FAR2: variants seen among roughly 807,000 people sequenced by gnomAD.
FAR2 encodes the protein fatty acyl-CoA reductase 2, also known as epididymis secretory protein Li 81.
In FAR2, 19 loss-of-function variants were observed where a neutral mutation model predicts 56.0. The ratio of observed to expected loss-of-function variants is 0.34; its 90% CI spans 0.24 to 0.50. The LOEUF is 0.50. Among genes scored for constraint, FAR2 ranks in the 20% least tolerant of loss-of-function variants. The pLI, the probability that FAR2 is intolerant of heterozygous loss-of-function variation, is 0.98. For missense variants in FAR2, 508 were observed against 642.2 expected (o/e 0.79, Z 2.26); for synonymous variants, 219 against 218.8 (o/e 1.00, Z -0.01).
chr12:29,278,994 T>C (rs1163796546), intron 2 of FAR2, among the ~76,000 whole-genome samples: 2 of 152,204 alleles, frequency 1.3e-5, no homozygotes, highest in African/African-American at 4.8e-5. Flanking sequence ...ATGTTTCATA[T>C]TAGTAAAAGC....
chr12:29,235,239 T>C (rs1331236612), intron 1 of FAR2, among the ~76,000 whole-genome samples: 1 of 152,142 alleles, frequency 6.6e-6, no homozygotes, highest in Non-Finnish European at 1.5e-5. Flanking sequence ...CAGATGTTCA[T>C]AGAAAAACTG....
At chr12:29,280,902 T>C (rs894173972) in intron 2 of FAR2, 2 of 152,240 alleles carry the variant, frequency 1.3e-5, no homozygotes, top group African/African-American at 4.8e-5. Context: ...GGAAAATGCA[T>C]AGCTGTGTGT....
chr12:29,159,989 G>T (rs984926192), intron 1 of FAR2, among the ~76,000 whole-genome samples: 3 of 152,168 alleles, frequency 2.0e-5, no homozygotes, highest in African/African-American at 7.2e-5. Context: ...CTGGAGGCAA[G>T]ATCAAAAACC....
chr12:29,305,603 G>A (rs1467617037), intron 4 of FAR2, among the ~76,000 whole-genome samples: 1 of 152,038 alleles, frequency 6.6e-6, no homozygotes, highest in Non-Finnish European at 1.5e-5. Flanking sequence ...TTTAGAATGA[G>A]TATAATTATT....
chr12:29,269,026 T>C (rs57967706), intron 1 of FAR2, among the ~76,000 whole-genome samples: 3,457 of 152,260 alleles, frequency 0.023, 118 homozygotes, highest in African/African-American at 0.078. Flanking sequence ...AAATTTCTAA[T>C]GAAGTTTCGG....
intron 2 of FAR2, among the ~76,000 whole-genome samples, chr12:29,278,057 G>A (rs1026182195): frequency 1.6e-4 from 24 of 148,112 alleles, no homozygotes; most frequent in African/African-American, 5.5e-4. Flanking sequence ...TCAACCTCCT[G>A]AGTTGCTGGG....
chr12:29,226,879 G>A (rs1201022624), intron 1 of FAR2, among the ~76,000 whole-genome samples: 1 of 152,056 alleles, frequency 6.6e-6, no homozygotes. Context: ...ATTCACCACT[G>A]AATTCTTTTA....
intron 2 of FAR2, among the ~76,000 whole-genome samples, chr12:29,288,830 T>G (rs1466787566): frequency 6.6e-6 from 1 of 152,162 alleles, no homozygotes; most frequent in Non-Finnish European, 1.5e-5. Flanking sequence ...TTAATTTTAA[T>G]TCAATAAGCA....
At chr12:29,318,840 C>T (rs1207669781) in intron 9 of FAR2, among the ~76,000 whole-genome samples, 1 of 151,904 alleles carries the variant, frequency 6.6e-6, no homozygotes, top group African/African-American at 2.4e-5. Context: ...GTGCCTGTGT[C>T]AGGAGAGGAT....
intron 2 of FAR2, among the ~76,000 whole-genome samples, chr12:29,279,645 A>G (rs958910374): frequency 6.6e-6 from 1 of 152,148 alleles, no homozygotes; most frequent in Non-Finnish European, 1.5e-5. Context: ...TAAAGATGCT[A>G]AAAGTCTAAA....
At chr12:29,332,988 T>C (rs145083611) in intron 11 of FAR2, 4 of 507,448 alleles carry the variant, frequency 7.9e-6, no homozygotes, top group South Asian at 1.7e-5. Context: ...CCCATGGTAA[T>C]TGCATAGTAA....
Position 29,177,167 on chromosome 12 carries a change from A to G in FAR2, c.-39+27760A>G, listed in dbSNP as rs575830679. 1.4e-4 allele frequency among the ~76,000 whole-genome samples: 21 copies of G among 152,350 alleles called. No homozygotes were observed. The East Asian group carries it at 3.5e-3, about 25-fold the overall frequency. On this transcript the variant is annotated intron_variant, in intron 1 of 11. Coordinates refer to ENST00000536681, the MANE Select transcript of FAR2 (RefSeq NM_001271783.2). ...ATGATGCAACAGGAAATGGAGCCAA[A>G]TCTTTTAGAGATGATATTTGAGTGC...
At chr12:29,251,182 G>C (rs769705925) in intron 1 of FAR2, among the ~76,000 whole-genome samples, 6 of 152,188 alleles carry the variant, frequency 3.9e-5, no homozygotes, top group Non-Finnish European at 7.3e-5. Context: ...AGTGTAGCTT[G>C]ACTCATCAAA....
intron 2 of FAR2, chr12:29,292,468 A>G (rs1948986149): frequency 6.6e-6 from 1 of 152,234 alleles, no homozygotes; most frequent in Non-Finnish European, 1.5e-5. Context: ...TTGTTGTACA[A>G]TTAACATTAA....
chr12:29,204,677 C>T (rs1265599450), intron 1 of FAR2, among the ~76,000 whole-genome samples: 2 of 152,026 alleles, frequency 1.3e-5, no homozygotes, highest in East Asian at 1.9e-4. Flanking sequence ...GTGCAGGAAG[C>T]ATATTGGCTT....
intron 1 of FAR2, among the ~76,000 whole-genome samples, chr12:29,211,330 T>C (rs1200399301): frequency 2.6e-5 from 4 of 152,130 alleles, no homozygotes; most frequent in African/African-American, 9.7e-5. Flanking sequence ...TTGTGGGTGT[T>C]CTTACATAAC....
intron 8 of FAR2, among the ~76,000 whole-genome samples, chr12:29,314,461 A>T (rs1343767014): frequency 6.7e-6 from 1 of 149,970 alleles, no homozygotes; most frequent in African/African-American, 2.5e-5. Flanking sequence ...TGTCAATGAG[A>T]ATAATAATTA....
intron 1 of FAR2, among the ~76,000 whole-genome samples, chr12:29,162,544 A>G (rs1349449209): frequency 6.6e-6 from 1 of 152,220 alleles, no homozygotes; most frequent in Non-Finnish European, 1.5e-5. Context: ...ATTAAGTAAA[A>G]TAAAACAAAT....
intron 1 of FAR2, among the ~76,000 whole-genome samples, chr12:29,231,706 AG>A (rs1277276677): frequency 6.6e-6 from 1 of 152,228 alleles, no homozygotes; most frequent in Non-Finnish European, 1.5e-5. Context: ...CTATACGAAG[AG>A]GAACAGCTTT....
Sources: allele counts gnomAD v4.1 joint callset (sites outside exome capture counted in the v4.1 genomes callset), GRCh38; gene constraint gnomAD v4.1.1; transcripts MANE v1.5; gene names NCBI Gene and HGNC (gene_info 2026-07-23, HGNC 2026-07-21).